The following SLC26A7 variants were observed in gnomAD, a reference collection of about 807,000 sequenced individuals.
SLC26A7 encodes solute carrier family 26 member 7, also known as anion exchange transporter.
Under a neutral mutation model 82.5 loss-of-function variants are expected in SLC26A7, and 59 were observed. The observed-to-expected ratio is 0.72, with a 90% CI of 0.58 to 0.89. The LOEUF (loss-of-function observed/expected upper bound fraction) is 0.89, where lower values mean the gene tolerates loss of function less well. SLC26A7 is among the 40% of genes least tolerant of loss of function. SLC26A7 has a pLI of 0.00. For missense variants in SLC26A7, 820 were observed against 793.0 expected (o/e 1.03, Z -0.41); for synonymous variants, 271 against 274.3 (o/e 0.99, Z 0.12).
intron 2 of SLC26A7, among the ~76,000 whole-genome samples, chr8:91,266,920 C>T (rs1811128597): frequency 6.6e-6 from 1 of 151,858 alleles, no homozygotes; most frequent in African/African-American, 2.4e-5. Flanking sequence ...CCTTCCATAT[C>T]TAAATTGTTG....
chr8:91,346,358 A>G (rs1813563995), intron 9 of SLC26A7, among the ~76,000 whole-genome samples: 1 of 152,170 alleles, frequency 6.6e-6, no homozygotes, highest in South Asian at 2.1e-4. Flanking sequence ...GTTCCGAGGA[A>G]GCACTATGTA....
chr8:91,303,598 G>T (rs1321872148), intron 4 of SLC26A7, among the ~76,000 whole-genome samples: 1 of 152,128 alleles, frequency 6.6e-6, no homozygotes, highest in Non-Finnish European at 1.5e-5. Context: ...AAAAGTGTGG[G>T]TGTTTAGTGA....
chr8:91,255,495 C>T (rs938401871), intron 2 of SLC26A7, among the ~76,000 whole-genome samples: 1 of 152,134 alleles, frequency 6.6e-6, no homozygotes, highest in African/African-American at 2.4e-5. Flanking sequence ...CCACGTATCT[C>T]TAACTTAGCT....
At chr8:91,366,762 TATATC>T (rs1814206356) in intron 14 of SLC26A7, 45 bp downstream of exon 14, 1 of 1,569,388 alleles carries the variant, frequency 6.4e-7, no homozygotes, top group African/African-American at 1.4e-5. Context: ...CATGTAGCCT[TATATC>T]ATGACAATAA....
intron 3 of SLC26A7, among the ~76,000 whole-genome samples, chr8:91,294,849 T>C (rs1338440557): frequency 6.6e-6 from 1 of 152,186 alleles, no homozygotes; most frequent in Non-Finnish European, 1.5e-5. Context: ...AGAAATGGTA[T>C]GTTTAATTAT....
At chr8:91,329,532 A>G (rs187942220) in intron 5 of SLC26A7, among the ~76,000 whole-genome samples, 45 of 152,234 alleles carry the variant, frequency 3.0e-4, no homozygotes, top group African/African-American at 1.0e-3. Context: ...CATTCCATTC[A>G]TTCTGGGGTG....
At chr8:91,268,410 A>G (rs760089880) in intron 2 of SLC26A7, among the ~76,000 whole-genome samples, 32 of 151,758 alleles carry the variant, frequency 2.1e-4, no homozygotes, top group Admixed American at 3.3e-4. Flanking sequence ...TTTTTAAACC[A>G]TTCTTGACAT....
chr8:91,319,785 G>A (rs1812740076), intron 5 of SLC26A7, among the ~76,000 whole-genome samples: 1 of 152,158 alleles, frequency 6.6e-6, no homozygotes, highest in African/African-American at 2.4e-5. Context: ...TGCAGTTTAA[G>A]GAAATGACTG....
Position 91,397,854 on chromosome 8 carries a change from G to A in SLC26A7, c.*2757G>A, listed in dbSNP as rs1207454117. 1 of 152,394 alleles carries A rather than the reference G, an allele frequency of 6.6e-6. No homozygotes were observed. The highest frequency in any genetic ancestry group is 1.5e-5 in the Non-Finnish European group (1 of 67,918). 9.4% of individuals were successfully genotyped at this position (152,394 alleles called of 1,614,324 possible). A position where few individuals can be genotyped will look rare whatever the true frequency, so the allele number is the denominator to read the frequency against. On this transcript the variant is annotated 3_prime_UTR_variant, in exon 19 of 19. Coordinates refer to ENST00000276609, the MANE Select transcript of SLC26A7 (RefSeq NM_052832.4). Reference sequence around the variant, plus strand: ...GGTTTCCAAAATATATTAGTATATTGTTGAACATACATTATGCCTTAGAAA... The same window carrying A: ...GGTTTCCAAAATATATTAGTATATTATTGAACATACATTATGCCTTAGAAA...
chr8:91,238,350 G>A (rs1353060995), intron 2 of SLC26A7, among the ~76,000 whole-genome samples: 3 of 152,066 alleles, frequency 2.0e-5, no homozygotes, highest in Middle Eastern at 3.4e-3. Flanking sequence ...TCCACTGGTT[G>A]TCATTTGACA....
chr8:91,273,136 C>T (rs1055407572), intron 2 of SLC26A7, among the ~76,000 whole-genome samples: 12 of 152,070 alleles, frequency 7.9e-5, no homozygotes, highest in African/African-American at 2.9e-4. Flanking sequence ...ATAAACAAAA[C>T]AACCAGTGTT....
chr8:91,271,638 AG>A (rs1237644775), intron 2 of SLC26A7, among the ~76,000 whole-genome samples: 1 of 126,976 alleles, frequency 7.9e-6, no homozygotes, highest in African/African-American at 3.1e-5. Flanking sequence ...TCTGTCGCCC[AG>A]GCTGGAATGC....
At chr8:91,343,932 TA>T in intron 9 of SLC26A7, 1 of 572,668 alleles carries the variant, frequency 1.7e-6, no homozygotes, top group Non-Finnish European at 2.2e-6. Context: ...TAAACAATTA[TA>T]TTTTTTAGGA....
At chr8:91,312,869 T>C (rs1279679268) in intron 4 of SLC26A7, among the ~76,000 whole-genome samples, 28 of 152,144 alleles carry the variant, frequency 1.8e-4, no homozygotes. Context: ...GTTTTAGGAG[T>C]TCTCTATATA....
chr8:91,331,435 A>G (rs1009390042), intron 5 of SLC26A7, among the ~76,000 whole-genome samples: 1 of 152,112 alleles, frequency 6.6e-6, no homozygotes, highest in African/African-American at 2.4e-5. Flanking sequence ...AATGGATTCC[A>G]TTTTCAATGC....
At chr8:91,255,627 C>T (rs890496884) in intron 2 of SLC26A7, among the ~76,000 whole-genome samples, 4 of 152,122 alleles carry the variant, frequency 2.6e-5, no homozygotes, top group Admixed American at 2.0e-4. Flanking sequence ...AGCTGTGACA[C>T]ATTCCTGTCT....
chr8:91,359,969 T>A (rs1814004537), intron 11 of SLC26A7, among the ~76,000 whole-genome samples: 1 of 152,080 alleles, frequency 6.6e-6, no homozygotes, highest in Non-Finnish European at 1.5e-5. Flanking sequence ...CATGGAAAAT[T>A]AGAAACTGTT....
chr8:91,254,314 C>T (rs1810742142), intron 2 of SLC26A7, among the ~76,000 whole-genome samples: 1 of 152,078 alleles, frequency 6.6e-6, no homozygotes, highest in Non-Finnish European at 1.5e-5. Context: ...TTCACAGGTT[C>T]ACTGCCACTC....
intron 15 of SLC26A7, among the ~76,000 whole-genome samples, chr8:91,374,665 C>T (rs1407859322): frequency 2.6e-5 from 4 of 151,938 alleles, no homozygotes; most frequent in Non-Finnish European, 5.9e-5. Flanking sequence ...GTCAATTTTA[C>T]AGAATGTTCC....
Sources: gnomAD v4.1 joint callset for allele counts (sites outside exome capture counted in the v4.1 genomes callset) on GRCh38, gnomAD v4.1.1 for gene constraint, MANE v1.5 for transcripts, NCBI Gene and HGNC (gene_info 2026-07-23, HGNC 2026-07-21) for gene names.